LRRC8B: variants seen among roughly 807,000 people sequenced by gnomAD.
LRRC8B encodes the protein leucine rich repeat containing 8 VRAC subunit B.
Under a neutral mutation model 58.8 loss-of-function variants are expected in LRRC8B, and 23 were observed. That is an observed-to-expected ratio of 0.39 (90% CI 0.28 to 0.55). LRRC8B has a LOEUF of 0.55. LRRC8B is among the 20% of genes least tolerant of loss of function. The pLI, the probability that LRRC8B is intolerant of heterozygous loss-of-function variation, is 0.62. For missense variants in LRRC8B, 694 were observed against 936.0 expected, an observed-to-expected ratio of 0.74 and a Z score of 3.37; for synonymous variants, 359 against 374.1, an observed-to-expected ratio of 0.96 and a Z score of 0.47.
intron 3 of LRRC8B, among the ~76,000 whole-genome samples, chr1:89,570,640 A>G (rs966858656): frequency 1.3e-5 from 2 of 152,090 alleles, no homozygotes; most frequent in Admixed American, 6.5e-5. Flanking sequence ...TAGTTTGCAA[A>G]ATTTTTTTCG....
chr1:89,564,777 G>A (rs1298026136), intron 1 of LRRC8B, among the ~76,000 whole-genome samples: 1 of 152,174 alleles, frequency 6.6e-6, no homozygotes, highest in Non-Finnish European at 1.5e-5. Context: ...TGCTAAAGAA[G>A]CATGAAGGAC....
At chr1:89,530,155 C>T (rs56857646) in intron 1 of LRRC8B, among the ~76,000 whole-genome samples, 177 of 151,530 alleles carry the variant, frequency 1.2e-3, no homozygotes, top group African/African-American at 4.2e-3. Context: ...TCGAGACCAT[C>T]CTGGCTAACA....
chr1:89,576,897 C>G (rs1653893182), intron 3 of LRRC8B, among the ~76,000 whole-genome samples: 1 of 152,090 alleles, frequency 6.6e-6, no homozygotes, highest in African/African-American at 2.4e-5. Context: ...CATTAAATCT[C>G]TCAAGAATGG....
intron 1 of LRRC8B, among the ~76,000 whole-genome samples, chr1:89,538,925 T>C (rs1650746568): frequency 6.6e-6 from 1 of 152,166 alleles, no homozygotes; most frequent in Non-Finnish European, 1.5e-5. Context: ...TTTCGCCATG[T>C]TGGCCAGGCT....
intron 1 of LRRC8B, among the ~76,000 whole-genome samples, chr1:89,529,557 A>G (rs778235681): frequency 2.6e-5 from 4 of 152,196 alleles, no homozygotes; most frequent in Non-Finnish European, 5.9e-5. Context: ...AAAAGTATAT[A>G]AAGTGCTTAA....
chr1:89,583,171 C>A lies in LRRC8B; in HGVS notation c.521C>A (p.Ala174Asp), dbSNP rs1654363004. ...WTTRALSETVAEQSVRPLKLS... is the reference protein window; with the variant it reads ...WTTRALSETVDEQSVRPLKLS... ...ACCCGCGCCCTTTCAGAAACAGTGGCTGAGCAGTCAGTGAGGCCTCTGAAA... is the reference window on the plus strand; with the variant it reads ...ACCCGCGCCCTTTCAGAAACAGTGGATGAGCAGTCAGTGAGGCCTCTGAAA... The change falls in exon 5 of 6, where the codon GCT (alanine) becomes GAT (aspartate). Residue 174 changes from alanine to aspartate, a missense_variant. This residue lies in a region of LRRC8B where 316 missense variants were observed against 403.8 expected (regional missense o/e 0.78). Coordinates refer to ENST00000330947, the MANE Select transcript of LRRC8B (RefSeq NM_001369817.2). The surrounding 1 kb of genome is among the most constrained non-coding windows in gnomAD (Gnocchi z 5.2). 6.2e-7 allele frequency: 1 copy of A among 1,614,186 alleles called. No homozygotes were observed. The highest frequency in any genetic ancestry group is 8.5e-7 in the Non-Finnish European group (1 of 1,180,038).
At chr1:89,572,224 G>A (rs1406784255) in intron 3 of LRRC8B, among the ~76,000 whole-genome samples, 1 of 152,168 alleles carries the variant, frequency 6.6e-6, no homozygotes, top group Non-Finnish European at 1.5e-5. Context: ...TTAGTCTGAA[G>A]GGCTTTTCAT....
intron 1 of LRRC8B, among the ~76,000 whole-genome samples, chr1:89,543,963 A>G (rs780518736): frequency 4.6e-5 from 7 of 151,704 alleles, no homozygotes; most frequent in Non-Finnish European, 1.0e-4. Flanking sequence ...AATTTTTATT[A>G]TTATTAATTA....
Position 89,582,646 on chromosome 1 carries a change from A to C in LRRC8B, c.-5A>C. On this transcript the variant is annotated 5_prime_UTR_variant, in exon 5 of 6. Transcript: ENST00000330947. ...CCAGTTTCTGTCCTCCTACAAGGGAAAGTCATGATTACACTAACTGAGCTA... is the reference window on the plus strand; with the variant it reads ...CCAGTTTCTGTCCTCCTACAAGGGACAGTCATGATTACACTAACTGAGCTA... 1 of 1,602,816 alleles carries C rather than the reference A, an allele frequency of 6.2e-7. No homozygotes were observed. The highest frequency in any genetic ancestry group is 8.5e-7 in the Non-Finnish European group (1 of 1,170,608).
intron 1 of LRRC8B, among the ~76,000 whole-genome samples, chr1:89,525,585 G>A (rs1649624053): frequency 6.6e-6 from 1 of 152,206 alleles, no homozygotes; most frequent in Non-Finnish European, 1.5e-5. Flanking sequence ...ATTTGTTTGA[G>A]AAAGAAAGGG....
intron 5 of LRRC8B, among the ~76,000 whole-genome samples, chr1:89,587,637 A>C (rs1654718847): frequency 1.3e-5 from 2 of 152,260 alleles, no homozygotes; most frequent in African/African-American, 4.8e-5. Flanking sequence ...CAGTTAATAA[A>C]GATTCCTATA....
chr1:89,561,951 G>A (rs546076232), intron 1 of LRRC8B, among the ~76,000 whole-genome samples: 1 of 152,142 alleles, frequency 6.6e-6, no homozygotes, highest in Non-Finnish European at 1.5e-5. Flanking sequence ...CGTGCTTTAG[G>A]TGAGCAGTTC....
At chr1:89,579,414 C>T (rs1173231347) in intron 3 of LRRC8B, among the ~76,000 whole-genome samples, 177 bp from the exon 4 acceptor site, 16 of 152,158 alleles carry the variant, frequency 1.1e-4, no homozygotes, top group Admixed American at 1.0e-3. Context: ...CACAGTGGCT[C>T]ACACCTGTAA....
At position 89,594,482 on chromosome 1, in the gene LRRC8B, ATACTT is replaced by A. The variant is rs1326898724; in HGVS notation, c.*1442_*1446del. ...ATTTGGTTTTTAAATTGATTTTAAA[ATACTT>A]TATAGAAATTTAGTAAGAGTTAAAG... On this transcript the variant is annotated 3_prime_UTR_variant, in exon 6 of 6. Transcript: ENST00000330947. The A allele has an allele frequency of 6.6e-6, 1 of 152,206 alleles. No individual in the cohort carries two copies. Among genetic ancestry groups the A allele is most frequent in the Non-Finnish European group, 1.5e-5 (1 of 68,012 alleles). 9.4% of individuals were successfully genotyped at this position (152,206 alleles called of 1,614,324 possible).
At chr1:89,588,379 T>C (rs1289649234) in intron 5 of LRRC8B, among the ~76,000 whole-genome samples, 2 of 152,254 alleles carry the variant, frequency 1.3e-5, no homozygotes, top group Non-Finnish European at 2.9e-5. Flanking sequence ...GTATGCAATA[T>C]TCATCAAATG....
chr1:89,594,788 C>T lies in LRRC8B; in HGVS notation c.*1745C>T, dbSNP rs1232167978. ...AATGTACATCTTTAATATGTTTTTC[C>T]CTAAGGGTCTAGGCATTATGATGCC... On this transcript the variant is annotated 3_prime_UTR_variant, in exon 6 of 6. Transcript: ENST00000330947. 1 of 151,920 alleles carries T rather than the reference C, an allele frequency of 6.6e-6. No individual in the cohort carries two copies. Among genetic ancestry groups the T allele is most frequent in the African/African-American group, 2.4e-5 (1 of 41,352 alleles). The allele number at this position is 151,920 out of a possible 1,614,324, so 9.4% of individuals were successfully genotyped here.
intron 1 of LRRC8B, among the ~76,000 whole-genome samples, chr1:89,540,062 A>T (rs1650840295): frequency 6.6e-6 from 1 of 152,146 alleles, no homozygotes; most frequent in Non-Finnish European, 1.5e-5. Context: ...TTACATCTTC[A>T]CGTATCATTT....
intron 1 of LRRC8B, among the ~76,000 whole-genome samples, chr1:89,561,669 C>G (rs1357342508): frequency 2.4e-5 from 3 of 123,170 alleles, no homozygotes; most frequent in African/African-American, 6.3e-5. Context: ...GCTTGTTTTT[C>G]TCAGGTTTGT....
chr1:89,559,781 A>T (rs1415477246), intron 1 of LRRC8B, among the ~76,000 whole-genome samples: 1 of 152,194 alleles, frequency 6.6e-6, no homozygotes, highest in African/African-American at 2.4e-5. Context: ...TTTAAAAATT[A>T]ATACTTCCAT....
Sources: allele counts gnomAD v4.1 joint callset (sites outside exome capture counted in the v4.1 genomes callset), GRCh38; gene constraint gnomAD v4.1.1; regional missense constraint gnomAD v4.1.1; non-coding constraint Gnocchi (gnomAD v3.1); transcripts MANE v1.5; gene names NCBI Gene and HGNC (gene_info 2026-07-23, HGNC 2026-07-21).